Variants in XYLT1 observed in about 807,000 individuals in gnomAD.
The protein encoded by XYLT1 is beta-D-xylosyltransferase 1.
A neutral mutation model predicts 91.3 loss-of-function variants in XYLT1; 36 were observed. The observed-to-expected ratio is 0.39, with a 90% CI of 0.30 to 0.52. XYLT1 has a LOEUF of 0.52. XYLT1 is among the 20% of genes least tolerant of loss of function. XYLT1 has a pLI of 0.68. For synonymous variants in XYLT1, 588 were observed against 532.0 expected (o/e 1.11, Z -1.45); for missense variants, 1,242 against 1,284.5 (o/e 0.97, Z 0.51).
intron 2 of XYLT1, among the ~76,000 whole-genome samples, chr16:17,319,654 T>G (rs2034687551): frequency 6.6e-6 from 1 of 152,130 alleles, no homozygotes; most frequent in African/African-American, 2.4e-5. Context: ...TTGGCCAGGC[T>G]GGTCTTGAAC....
chr16:17,278,967 G>C (rs978973709), intron 2 of XYLT1, among the ~76,000 whole-genome samples: 2 of 152,162 alleles, frequency 1.3e-5, no homozygotes, highest in South Asian at 2.1e-4. Flanking sequence ...TGGGCTTTAG[G>C]AAGAGAAGCG....
intron 3 of XYLT1, among the ~76,000 whole-genome samples, chr16:17,238,201 A>T (rs2033278393): frequency 6.6e-6 from 1 of 152,220 alleles, no homozygotes; most frequent in Admixed American, 6.5e-5. Context: ...ATCCTTTTTG[A>T]AGACAATGGC....
rs114653531 is a variant in XYLT1, at chr16:17,298,450, G to A, written c.403-38952C>T. Among the ~76,000 whole-genome samples, 255 of 152,276 alleles carry A rather than the reference G, an allele frequency of 1.7e-3. 1 individual carries two copies. The highest frequency in any genetic ancestry group is 5.8e-3 in the African/African-American group (239 of 41,544). On this transcript the variant is annotated intron_variant, in intron 2 of 11. Transcript: ENST00000261381. Reference sequence around the variant, plus strand: ...GGAAGATGAGGCTCAAGGAGCTGACGTCATTTATACCACACTGCTATTGAG... The same window carrying A: ...GGAAGATGAGGCTCAAGGAGCTGACATCATTTATACCACACTGCTATTGAG...
At chr16:17,348,690 G>A (rs542190622) in intron 2 of XYLT1, among the ~76,000 whole-genome samples, 5 of 152,142 alleles carry the variant, frequency 3.3e-5, no homozygotes, top group African/African-American at 9.7e-5. Flanking sequence ...CCTTGTCTAC[G>A]GATTTTTACA....
rs971321718 is a variant in XYLT1 at position 17,465,485 on chromosome 16, G to A, written c.363+4949C>T. ...TAAGACCAGCGATTTCTAGTTGGGT[G>A]TCCTTAGTTTTAACTTTTTATCAGT... is the stretch of plus-strand genomic sequence containing the variant. On this transcript the variant is annotated intron_variant, in intron 1 of 11. Coordinates refer to ENST00000261381, the MANE Select transcript of XYLT1 (RefSeq NM_022166.4). 6.9e-5 allele frequency among the ~76,000 whole-genome samples: 10 copies of A among 144,810 alleles called. No individual in the cohort carries two copies. The East Asian group carries it at 2.1e-3, about 31-fold the overall frequency.
At position 17,169,520 on chromosome 16, in the gene XYLT1, A is replaced by G. The variant is rs146485059; in HGVS notation, c.1290-10611T>C. Among the ~76,000 whole-genome samples, 1,013 of 152,334 alleles carry G rather than the reference A, an allele frequency of 6.6e-3. 7 individuals are homozygous for G. The highest frequency in any genetic ancestry group is 0.013 in the Admixed American group (201 of 15,298). On this transcript the variant is annotated intron_variant, in intron 5 of 11. Coordinates refer to ENST00000261381, the MANE Select transcript of XYLT1 (RefSeq NM_022166.4). ...CAGTTTATCTGATGTTCTATCAATG[A>G]GAACTCTTAACACACCAGCCCTTCC...
chr16:17,315,076 C>T (rs928794269), intron 2 of XYLT1, among the ~76,000 whole-genome samples: 2 of 152,148 alleles, frequency 1.3e-5, no homozygotes, highest in Non-Finnish European at 2.9e-5. Flanking sequence ...GCTCTGGGAG[C>T]TATGCTGGGG....
At chr16:17,444,293 C>T (rs1471543716) in intron 1 of XYLT1, among the ~76,000 whole-genome samples, 1 of 152,156 alleles carries the variant, frequency 6.6e-6, no homozygotes, top group African/African-American at 2.4e-5. Context: ...TTATAATTTA[C>T]AGTCTAACCC....
At chr16:17,157,718 C>G (rs961619086) in intron 6 of XYLT1, among the ~76,000 whole-genome samples, 6 of 152,152 alleles carry the variant, frequency 3.9e-5, no homozygotes, top group Non-Finnish European at 7.3e-5. Flanking sequence ...GATGTCAGAG[C>G]CACCCTGGAC....
At chr16:17,223,231 G>A (rs892728277) in intron 3 of XYLT1, among the ~76,000 whole-genome samples, 1 of 152,170 alleles carries the variant, frequency 6.6e-6, no homozygotes, top group Non-Finnish European at 1.5e-5. Context: ...ATGCTTCCTG[G>A]AGATGTGTTC....
intron 5 of XYLT1, among the ~76,000 whole-genome samples, chr16:17,174,036 G>A (rs575413713): frequency 2.6e-5 from 4 of 152,294 alleles, no homozygotes; most frequent in African/African-American, 9.6e-5. Flanking sequence ...TCTCAGGGAA[G>A]CTGTGGTCCT....
chr16:17,229,252 G>T (rs533745440), intron 3 of XYLT1, among the ~76,000 whole-genome samples: 2 of 152,162 alleles, frequency 1.3e-5, no homozygotes, highest in Non-Finnish European at 1.5e-5. Context: ...TGTGCAAAAG[G>T]CCTCCTGAAC....
rs562269677 is a variant in XYLT1 at position 17,309,115 on chromosome 16, G to T, written c.402+48897C>A. Among the ~76,000 whole-genome samples the T allele has an allele frequency of 2.6e-4, 40 of 152,272 alleles. No homozygotes were observed. In the South Asian group the frequency reaches 8.3e-3, roughly 32 times the overall value. On this transcript the variant is annotated intron_variant, in intron 2 of 11. Transcript: ENST00000261381. ...AGGTGGAAAGGCGGCTCAGAGACAC[G>T]CAAGGGTCTACAACACAGTTTCTCA...
In XYLT1 at chr16:17,218,475, T is replaced by A. The variant is rs537320911; in HGVS notation, c.914-17821A>T. Among the ~76,000 whole-genome samples, 119 of 152,136 alleles carry A rather than the reference T, an allele frequency of 7.8e-4. 1 individual carries two copies. The highest frequency in any genetic ancestry group is 1.1e-3 in the Non-Finnish European group (73 of 68,004). ...GGGCCACTGGGTATTTTTTCTTAGA[T>A]GCCTCCAAAGATGGAAGGCTCAGTG... On this transcript the variant is annotated intron_variant, in intron 3 of 11. Coordinates refer to ENST00000261381, the MANE Select transcript of XYLT1 (RefSeq NM_022166.4).
chr16:17,447,657 G>A (rs936659434), intron 1 of XYLT1, among the ~76,000 whole-genome samples: 1 of 152,228 alleles, frequency 6.6e-6, no homozygotes, highest in Non-Finnish European at 1.5e-5. Flanking sequence ...GAGAAGGAGA[G>A]AGGTGCTTAT....
intron 1 of XYLT1, among the ~76,000 whole-genome samples, chr16:17,411,716 G>T (rs1455574899): frequency 1.3e-5 from 2 of 152,126 alleles, no homozygotes; most frequent in Non-Finnish European, 2.9e-5. Context: ...AGCAGTTGTG[G>T]TACATTCGGC....
chr16:17,280,829 T>G (rs1246452290), intron 2 of XYLT1, among the ~76,000 whole-genome samples: 1 of 152,198 alleles, frequency 6.6e-6, no homozygotes, highest in Non-Finnish European at 1.5e-5. Context: ...TACCCCCATC[T>G]CCTCTCTCCT....
chr16:17,138,694 G>A, intron 7 of XYLT1, 163 bp from the exon 8 acceptor site: 1 of 690,896 alleles, frequency 1.4e-6, no homozygotes, highest in Non-Finnish European at 2.3e-6. Context: ...ACAGCTTGCA[G>A]AACTGCAAGC....
chr16:17,138,269 G>T (rs1271496848), intron 8 of XYLT1, 86 bp downstream of exon 8: 5 of 1,504,816 alleles, frequency 3.3e-6, no homozygotes, highest in South Asian at 2.5e-5. Flanking sequence ...GTGATAAGAT[G>T]ACCTGCAGGT....
Sources: allele counts gnomAD v4.1 joint callset (sites outside exome capture counted in the v4.1 genomes callset), GRCh38; gene constraint gnomAD v4.1.1; transcripts MANE v1.5; gene names NCBI Gene and HGNC (gene_info 2026-07-23, HGNC 2026-07-21).